The following PFKFB2 variants were observed in gnomAD, a reference collection of about 807,000 sequenced individuals.
PFKFB2 encodes the protein 6-phosphofructo-2-kinase/fructose-2,6-bisphosphatase 2.
A neutral mutation model predicts 68.0 loss-of-function variants in PFKFB2; 53 were observed. The observed-to-expected ratio is 0.78, with a 90% CI of 0.63 to 0.98. The LOEUF (loss-of-function observed/expected upper bound fraction) is 0.98. PFKFB2 is among the 50% of genes least tolerant of loss of function. PFKFB2 has a pLI of 0.00. For synonymous variants in PFKFB2, 222 were observed against 227.6 expected, an observed-to-expected ratio of 0.98 and a Z score of 0.22; for missense variants, 451 against 642.0, an observed-to-expected ratio of 0.70 and a Z score of 3.22.
rs1343011187 is a variant in PFKFB2 at position 207,075,031 on chromosome 1, T to A, written c.*2660T>A. On this transcript the variant is annotated 3_prime_UTR_variant, in exon 15 of 15. Coordinates refer to ENST00000367080, the MANE Select transcript of PFKFB2 (RefSeq NM_006212.2). ...CTGTAGCCCAAATGGGCATTCAGTCTTTTCTTCTGCTGTGAGGTAAGAGTA... is the reference window on the plus strand; with the variant it reads ...CTGTAGCCCAAATGGGCATTCAGTCATTTCTTCTGCTGTGAGGTAAGAGTA... 1.0e-6 allele frequency: 1 copy of A among 985,332 alleles called. No individual in the cohort carries two copies. Among genetic ancestry groups the A allele is most frequent in the African/African-American group, 1.7e-5 (1 of 57,228 alleles). 61.0% of individuals were successfully genotyped at this position (985,332 alleles called of 1,614,324 possible). A position where few individuals can be genotyped will look rare whatever the true frequency, so the allele number is the denominator to read the frequency against.
chr1:207,052,625 C>T (rs1432393530), upstream of PFKFB2, among the ~76,000 whole-genome samples: 1 of 152,144 alleles, frequency 6.6e-6, no homozygotes, highest in South Asian at 2.1e-4. Flanking sequence ...GCACTCCAGC[C>T]TGGGCAACAA....
At chr1:207,064,923 G>T (rs1683238721) in intron 7 of PFKFB2, 113 bp from the exon 8 acceptor site, 1 of 1,268,986 alleles carries the variant, frequency 7.9e-7, no homozygotes. Flanking sequence ...CAATGTTCCA[G>T]TGAAAGGCGA....
chr1:207,043,646 T>C (rs1682522419), intron 2 of PFKFB2, among the ~76,000 whole-genome samples: 1 of 152,188 alleles, frequency 6.6e-6, no homozygotes, highest in African/African-American at 2.4e-5. Flanking sequence ...AAAAATTTAG[T>C]CAATGAATGG....
rs762529151 is a variant in PFKFB2 at position 207,070,242 on chromosome 1, C to T, written c.1093-38C>T. 6.2e-7 allele frequency: 1 copy of T among 1,610,646 alleles called. No individual in the cohort carries two copies. The highest frequency in any genetic ancestry group is 8.5e-7 in the Non-Finnish European group (1 of 1,179,110). ...CCACTGACTTGGCTGCCAGCTTGCA[C>T]CTGGGCTCCTGCCAGCCTGCCCCAT... On this transcript the variant is annotated intron_variant, in intron 11 of 14. Transcript: ENST00000367080. This position sits in a 1 kb window ranked among gnomAD's most constrained non-coding sequence, Gnocchi z 4.2.
upstream of PFKFB2, chr1:207,049,814 G>A (rs1410542996): frequency 8.2e-7 from 1 of 1,226,734 alleles, no homozygotes; most frequent in Non-Finnish European, 1.1e-6. Flanking sequence ...CAAACTGAAG[G>A]AGTTAAAGCA....
chr1:207,050,924 G>A (rs764493387), upstream of PFKFB2: 11 of 1,590,572 alleles, frequency 6.9e-6, no homozygotes, highest in South Asian at 3.4e-5. Context: ...CACAGGCCAG[G>A]CACCCGCGGG....
At chr1:207,068,549 C>G (rs535920186) in intron 10 of PFKFB2, among the ~76,000 whole-genome samples, 6 of 152,192 alleles carry the variant, frequency 3.9e-5, no homozygotes, top group South Asian at 2.1e-4. Flanking sequence ...TTTGAGCCAG[C>G]CTTTCTGGCA....
intron 2 of PFKFB2, among the ~76,000 whole-genome samples, chr1:207,042,803 G>C (rs1010765257): frequency 6.6e-6 from 1 of 152,000 alleles, no homozygotes; most frequent in African/African-American, 2.4e-5. Flanking sequence ...TTCAACGTTA[G>C]GATTTTTTGG....
At chr1:207,048,846 C>G, upstream of PFKFB2, 1 of 635,268 alleles carries the variant, frequency 1.6e-6, no homozygotes, top group Non-Finnish European at 2.7e-6. Flanking sequence ...CATCTGTAAA[C>G]TTGCACACTA....
At chr1:207,036,273 G>T (rs1206539417) in intron 1 of PFKFB2, among the ~76,000 whole-genome samples, 3 of 152,178 alleles carry the variant, frequency 2.0e-5, no homozygotes, top group Non-Finnish European at 2.9e-5. Flanking sequence ...CTACCTGCTG[G>T]TGTCTTGGTT....
intron 2 of PFKFB2, among the ~76,000 whole-genome samples, chr1:207,057,347 G>A (rs1443625264): frequency 1.4e-5 from 2 of 146,904 alleles, no homozygotes; most frequent in Admixed American, 6.8e-5. Context: ...GCATGGTGGC[G>A]GGCGCCTGTA....
intron 2 of PFKFB2, among the ~76,000 whole-genome samples, chr1:207,058,012 TTCA>T (rs1188781768): frequency 6.6e-6 from 1 of 152,238 alleles, no homozygotes; most frequent in African/African-American, 2.4e-5. Flanking sequence ...ATTGGAAATG[TTCA>T]TCAGTATTAC....
At chr1:207,049,731 A>G, upstream of PFKFB2, 1 of 1,599,706 alleles carries the variant, frequency 6.3e-7, no homozygotes, top group Non-Finnish European at 8.5e-7. Flanking sequence ...CACCTGTTAA[A>G]AATAAAACAA....
Position 207,070,907 on chromosome 1 carries a change from T to G in PFKFB2, c.1223-281T>G. The stretch of plus-strand genomic sequence containing the variant: ...CTGTTGTGGTCAGACCTTATTGGCC[T>G]TTGCTGTACCCAGGTGACCCCCTTC... On this transcript the variant is annotated intron_variant, in intron 12 of 14. Coordinates refer to ENST00000367080, the MANE Select transcript of PFKFB2 (RefSeq NM_006212.2). This position sits in a 1 kb window ranked among gnomAD's most constrained non-coding sequence, Gnocchi z 4.2. 1 of 387,040 alleles carries G rather than the reference T, an allele frequency of 2.6e-6. No individual in the cohort carries two copies. The allele number at this position is 387,040 out of a possible 1,614,324, so 24.0% of individuals were successfully genotyped here.
At chr1:207,057,760 C>A (rs1682974082) in intron 2 of PFKFB2, among the ~76,000 whole-genome samples, 1 of 152,124 alleles carries the variant, frequency 6.6e-6, no homozygotes, top group East Asian at 1.9e-4. Context: ...TGTTCAGCTG[C>A]CATTTCCTTT....
intron 2 of PFKFB2, among the ~76,000 whole-genome samples, chr1:207,061,099 TTA>T (rs1408342177): frequency 1.1e-4 from 8 of 71,404 alleles, no homozygotes; most frequent in East Asian, 8.2e-4. Flanking sequence ...ATATATATCT[TTA>T]TATATATCTA....
rs987355367 is a variant in PFKFB2 at position 207,074,880 on chromosome 1, A to T, written c.*2509A>T. ...ACTTTTCTGTTGTCCTATGGCTATG[A>T]GACTACAGGGGTTGGGGGATGGGGA... On this transcript the variant is annotated 3_prime_UTR_variant, in exon 15 of 15. Coordinates refer to ENST00000367080, the MANE Select transcript of PFKFB2 (RefSeq NM_006212.2). 1 of 985,456 alleles carries T rather than the reference A, an allele frequency of 1.0e-6. No individual in the cohort carries two copies. The highest frequency in any genetic ancestry group is 1.7e-5 in the African/African-American group (1 of 57,364). 61.0% of individuals were successfully genotyped at this position (985,456 alleles called of 1,614,324 possible).
Position 207,076,911 on chromosome 1 carries a change from G to T in PFKFB2, c.*4540G>T. On this transcript the variant is annotated 3_prime_UTR_variant, in exon 15 of 15. Coordinates refer to ENST00000367080, the MANE Select transcript of PFKFB2 (RefSeq NM_006212.2). ...TGTATGTACATTATGGTAATTCTCT[G>T]TCTATTAAATGTGTCTAACAAAGGA... is the stretch of plus-strand genomic sequence containing the variant. 1.0e-6 allele frequency: 1 copy of T among 983,650 alleles called. No individual in the cohort carries two copies. The highest frequency in any genetic ancestry group is 4.7e-5 in the South Asian group (1 of 21,248). 60.9% of individuals were successfully genotyped at this position (983,650 alleles called of 1,614,324 possible). A position where few individuals can be genotyped will look rare whatever the true frequency, so the allele number is the denominator to read the frequency against.
Position 207,062,067 on chromosome 1 carries a change from T to G in PFKFB2, c.200T>G (p.Val67Gly). 1.9e-6 allele frequency: 3 copies of G among 1,613,926 alleles called. No individual in the cohort carries two copies. Among genetic ancestry groups the G allele is most frequent in the Non-Finnish European group, 2.5e-6 (3 of 1,179,904 alleles). ...KLTRYLNWIG[V>G]PTKVFNLGVY... ...ACACGCTACCTCAACTGGATTGGAG[T>G]CCCCACCAAAGGTAAGTGTGGCTCA... is the stretch of plus-strand genomic sequence containing the variant. The change falls in exon 3 of 15, where the codon GTC (valine) becomes GGC (glycine). Residue 67 changes from valine (V) to glycine (G), a missense_variant. Physicochemically the swap from Val to Gly is moderately radical, Grantham distance 109. Transcript: ENST00000367080.
Sources: allele counts gnomAD v4.1 joint callset (sites outside exome capture counted in the v4.1 genomes callset), GRCh38; gene constraint gnomAD v4.1.1; non-coding constraint Gnocchi (gnomAD v3.1); transcripts MANE v1.5; gene names NCBI Gene and HGNC (gene_info 2026-07-23, HGNC 2026-07-21).